ZNF10: variants seen among roughly 807,000 people sequenced by gnomAD.
ZNF10 encodes zinc finger protein 10 (KOX 1).
In ZNF10, 8 loss-of-function variants were observed where a neutral mutation model predicts 12.2. The ratio of observed to expected loss-of-function variants is 0.66; its 90% confidence interval spans 0.39 to 1.18. The LOEUF is 1.18. Ranked by LOEUF, ZNF10 falls within the 50% of genes most tolerant of loss-of-function variation. The probability of loss-of-function intolerance (pLI) is 0.01; values close to 1 mark genes in which losing one functional copy is unlikely to be tolerated. For missense variants in ZNF10, 603 were observed against 678.9 expected, an observed-to-expected ratio of 0.89 and a Z score of 1.24; for synonymous variants, 229 against 228.2, an observed-to-expected ratio of 1.00 and a Z score of -0.03.
rs372101959 is a variant in ZNF10, at chr12:133,156,009, A to G, written c.763A>G (p.Ile255Val). The part of the protein sequence containing the change: ...NSLTHGSSLG[I>V]SKGIHREKPY... The stretch of plus-strand genomic sequence containing the variant: ...TCTTACTCATGGTTCATCTCTTGGT[A>G]TATCAAAGGGCATACATAGAGAGAA... Residue 255 changes from isoleucine to valine, a missense_variant, in exon 5 of 5, where the codon ATA (isoleucine) becomes GTA (valine). By Grantham distance (29) the Ile-to-Val change is conservative (BLOSUM62 3). Around this residue, in one of 3 missense-constraint regions of ZNF10, gnomAD observed 393 missense variants for 399.7 expected, o/e 0.98. Transcript: ENST00000248211. 3.5e-5 allele frequency: 56 copies of G among 1,613,816 alleles called. No homozygotes were observed. Among genetic ancestry groups the G allele is most frequent in the Non-Finnish European group, 4.3e-5 (51 of 1,180,022 alleles).
chr12:133,140,267 A>G (rs1394015932), intron 1 of ZNF10, among the ~76,000 whole-genome samples: 2 of 148,142 alleles, frequency 1.4e-5, no homozygotes, highest in Non-Finnish European at 3.0e-5. Flanking sequence ...AGTTCTATCT[A>G]CTTGGGAGGC....
chr12:133,136,152 C>G (rs1955909872), intron 1 of ZNF10, among the ~76,000 whole-genome samples: 1 of 152,196 alleles, frequency 6.6e-6, no homozygotes, highest in Non-Finnish European at 1.5e-5. Context: ...CCTTTAGAAG[C>G]CTGATGCCTT....
chr12:133,140,217 A>AG (rs1555299070), intron 1 of ZNF10, among the ~76,000 whole-genome samples: 81 of 144,648 alleles, frequency 5.6e-4, no homozygotes, highest in African/African-American at 1.7e-3. Flanking sequence ...AAAAAAAAAA[A>AG]AAAAAAAAAA....
intron 1 of ZNF10, among the ~76,000 whole-genome samples, chr12:133,137,231 G>A (rs941711300): frequency 1.3e-5 from 2 of 151,850 alleles, no homozygotes; most frequent in African/African-American, 4.8e-5. Flanking sequence ...TTTTTTTTGG[G>A]GCTACTATTA....
chr12:133,151,724 T>A, intron 3 of ZNF10, 85 bp from the exon 4 acceptor site: 1 of 973,566 alleles, frequency 1.0e-6, no homozygotes, highest in Non-Finnish European at 1.6e-6. Flanking sequence ...GGGTTGGTGG[T>A]CAGGTTGAAT....
At chr12:133,150,797 T>A (rs1232388642) in intron 2 of ZNF10, among the ~76,000 whole-genome samples, 1 of 152,218 alleles carries the variant, frequency 6.6e-6, no homozygotes, top group African/African-American at 2.4e-5. Context: ...ATGACAGTTT[T>A]CTTTAACCTA....
intron 2 of ZNF10, chr12:133,144,850 A>G: frequency 2.1e-6 from 1 of 476,182 alleles, no homozygotes; most frequent in South Asian, 1.6e-5. Flanking sequence ...TGCTGACCAA[A>G]AAATTCAAAA....
intron 1 of ZNF10, among the ~76,000 whole-genome samples, chr12:133,133,590 C>T (rs1955893112): frequency 6.6e-6 from 1 of 152,168 alleles, no homozygotes; most frequent in Admixed American, 6.5e-5. Flanking sequence ...ATGATAGAAC[C>T]ACTGATCCTC....
In ZNF10 at chr12:133,156,789, G is replaced by C. The variant is rs775186856; in HGVS notation, c.1543G>C (p.Glu515Gln). 1 of 1,578,238 alleles carries C rather than the reference G, an allele frequency of 6.3e-7. No individual in the cohort carries two copies. Among genetic ancestry groups the C allele is most frequent in the East Asian group, 2.2e-5 (1 of 44,662 alleles). ...GCACCAGAGAATTCATGTTGGAGAA[G>C]AGACCTATAAATGTAATCAATGTGG... is the stretch of plus-strand genomic sequence containing the variant. ...IKHQRIHVGEETYKCNQCGII... is the reference protein window; with the variant it reads ...IKHQRIHVGEQTYKCNQCGII... Residue 515 changes from glutamate (E) to glutamine (Q), a missense_variant, in exon 5 of 5, where the codon GAG becomes CAG. Physicochemically the swap from Glu to Gln is conservative, Grantham distance 29. This residue lies in a region of ZNF10 where 204 missense variants were observed against 262.8 expected (regional missense o/e 0.78). Transcript: ENST00000248211.
chr12:133,144,629 A>G, intron 2 of ZNF10, 104 bp downstream of exon 2: 1 of 1,230,596 alleles, frequency 8.1e-7, no homozygotes, highest in South Asian at 1.3e-5. Context: ...AGCAGACTAG[A>G]ATTAGGTTTT....
intron 1 of ZNF10, among the ~76,000 whole-genome samples, chr12:133,132,900 A>G (rs543483164): frequency 6.6e-6 from 1 of 152,250 alleles, no homozygotes; most frequent in South Asian, 2.1e-4. Context: ...TACCATTAAT[A>G]TTTTACTGTA....
rs146425806 is a variant in ZNF10, at chr12:133,155,994, G to A, written c.748G>A (p.Gly250Ser). ...CPDNDNSLTH[G>S]SSLGISKGIH... The stretch of plus-strand genomic sequence containing the variant: ...TGATAATGACAACTCTCTTACTCAT[G>A]GTTCATCTCTTGGTATATCAAAGGG... Residue 250 changes from glycine to serine, a missense_variant, in exon 5 of 5, where the codon GGT (glycine) becomes AGT (serine). Physicochemically the swap from Gly to Ser is moderately conservative, Grantham distance 56 (BLOSUM62 0). Around this residue, in one of 3 missense-constraint regions of ZNF10, gnomAD observed 393 missense variants for 399.7 expected, o/e 0.98. Transcript: ENST00000248211. The A allele has an allele frequency of 1.1e-5, 17 of 1,613,924 alleles. No homozygotes were observed. The highest frequency in any genetic ancestry group is 1.7e-4 in the Middle Eastern group (1 of 6,060).
chr12:133,143,089 G>T (rs1189384834), intron 1 of ZNF10, among the ~76,000 whole-genome samples: 2 of 152,132 alleles, frequency 1.3e-5, no homozygotes, highest in Non-Finnish European at 2.9e-5. Flanking sequence ...AGCCAGACTC[G>T]AAAGGGCAAA....
chr12:133,141,383 TA>T (rs568163486), intron 1 of ZNF10, among the ~76,000 whole-genome samples: 92 of 152,310 alleles, frequency 6.0e-4, no homozygotes, highest in African/African-American at 2.1e-3. Context: ...GTGAGGACGG[TA>T]ATAATGATTT....
chr12:133,131,008 G>C (rs1321129171), intron 1 of ZNF10: 1 of 152,206 alleles, frequency 6.6e-6, no homozygotes, highest in African/African-American at 2.4e-5. Flanking sequence ...AGTGGGCGGC[G>C]GTGGTGGTAA....
In ZNF10 at chr12:133,158,758, C is replaced by A. The variant is rs1428073811; in HGVS notation, c.*1790C>A. On this transcript the variant is annotated 3_prime_UTR_variant, in exon 5 of 5. Coordinates refer to ENST00000248211, the MANE Select transcript of ZNF10 (RefSeq NM_015394.5). The stretch of plus-strand genomic sequence containing the variant: ...TCTTGATCTCTCTCTGAGGAAAAAA[C>A]CTAGAAATGATGGTTAGAATCAGGA... 5 of 152,240 alleles carry A rather than the reference C, an allele frequency of 3.3e-5. No homozygotes were observed. Among genetic ancestry groups the A allele is most frequent in the East Asian group, 1.9e-4 (1 of 5,172 alleles). The allele number at this position is 152,240 out of a possible 1,614,324, so 9.4% of individuals were successfully genotyped here.
rs1955964832 is a variant in ZNF10 at position 133,144,535 on chromosome 12, GCTTT to G, written c.33+14_33+17del. The G allele has an allele frequency of 6.2e-7, 1 of 1,613,542 alleles. No homozygotes were observed. Among genetic ancestry groups the G allele is most frequent in the African/African-American group, 1.3e-5 (1 of 75,002 alleles). On this transcript the variant is annotated intron_variant, in intron 2 of 4. Coordinates refer to ENST00000248211, the MANE Select transcript of ZNF10 (RefSeq NM_015394.5). ...AACTGCCTGGTCCCGGGTAAGCTGGGCTTTCTTCCCAGTTTCCAACTGGGAATTC... is the reference window on the plus strand; with the variant it reads ...AACTGCCTGGTCCCGGGTAAGCTGGGCTTCCCAGTTTCCAACTGGGAATTC...
At chr12:133,153,700 T>C (rs565795154) in intron 4 of ZNF10, among the ~76,000 whole-genome samples, 14 of 152,316 alleles carry the variant, frequency 9.2e-5, no homozygotes, top group East Asian at 5.8e-4. Context: ...AGGGATCATT[T>C]ACCAGGTGTA....
Position 133,156,350 on chromosome 12 carries a change from G to T in ZNF10, c.1104G>T (p.Gln368His). Residue 368 changes from glutamine to histidine, a missense_variant, in exon 5 of 5, where the codon CAG becomes CAT. By Grantham distance (24) the Gln-to-His change is conservative. This residue lies in a region of ZNF10 where 204 missense variants were observed against 262.8 expected (regional missense o/e 0.78). Coordinates refer to ENST00000248211, the MANE Select transcript of ZNF10 (RefSeq NM_015394.5). The stretch of plus-strand genomic sequence containing the variant: ...ATAGCTCTAGGCTTATTAGACACCA[G>T]AGGACACATACTGGAGAGAAACCCT... ...FVHSSRLIRH[Q>H]RTHTGEKPYE... 1 of 1,614,144 alleles carries T rather than the reference G, an allele frequency of 6.2e-7. No homozygotes were observed. The highest frequency in any genetic ancestry group is 8.5e-7 in the Non-Finnish European group (1 of 1,180,022).
Sources: gnomAD v4.1 joint callset for allele counts (sites outside exome capture counted in the v4.1 genomes callset) on GRCh38, gnomAD v4.1.1 for gene constraint, gnomAD v4.1.1 regional missense constraint, MANE v1.5 for transcripts, NCBI Gene and HGNC (gene_info 2026-07-23, HGNC 2026-07-21) for gene names.